IMMP2L: variants seen among roughly 807,000 people sequenced by gnomAD.
IMMP2L encodes the protein inner mitochondrial membrane peptidase subunit 2.
In IMMP2L, 18 loss-of-function variants were observed where a neutral mutation model predicts 19.3. That is an observed-to-expected ratio of 0.93 (90% CI 0.64 to 1.38). IMMP2L has a LOEUF of 1.38. Among genes scored for constraint, IMMP2L ranks in the 40% most tolerant of loss-of-function variants. The probability of loss-of-function intolerance (pLI) is 0.00; values close to 1 mark genes in which losing one functional copy is unlikely to be tolerated. For missense variants in IMMP2L, 233 were observed against 218.2 expected (o/e 1.07, Z -0.43); for synonymous variants, 76 against 73.0 (o/e 1.04, Z -0.21).
chr7:110,958,368 G>GT (rs1227350480), intron 4 of IMMP2L, among the ~76,000 whole-genome samples: 1 of 151,958 alleles, frequency 6.6e-6, no homozygotes, highest in Non-Finnish European at 1.5e-5. Context: ...GTGTACAAAG[G>GT]TATGTGTGCA....
At chr7:111,198,353 T>C (rs1374181612) in intron 3 of IMMP2L, among the ~76,000 whole-genome samples, 1 of 152,164 alleles carries the variant, frequency 6.6e-6, no homozygotes, top group African/African-American at 2.4e-5. Flanking sequence ...CTGGCTCAAC[T>C]ACTCAATAGC....
intron 4 of IMMP2L, among the ~76,000 whole-genome samples, chr7:110,942,173 C>A (rs1816802810): frequency 6.6e-6 from 1 of 151,842 alleles, no homozygotes; most frequent in South Asian, 2.1e-4. Context: ...ACATTTCATT[C>A]AAGAGTTAAG....
In IMMP2L at chr7:110,758,518, T is replaced by C. The variant is rs1562959063; in HGVS notation, c.409-94797A>G. Among the ~76,000 whole-genome samples the C allele has an allele frequency of 6.6e-6, 1 of 152,036 alleles. No homozygotes were observed. The highest frequency in any genetic ancestry group is 1.5e-5 in the Non-Finnish European group (1 of 67,996). On this transcript the variant is annotated intron_variant, in intron 5 of 5. Coordinates refer to ENST00000405709, the MANE Select transcript of IMMP2L (RefSeq NM_032549.4). The surrounding 1 kb of genome is among the most constrained non-coding windows in gnomAD (Gnocchi z 4.6). ...CCTTGTAGGTGAAAGGGGATGAGTC[T>C]AGTAAATAAGTAGAGTGCAGGCCTG...
chr7:110,778,877 T>C (rs527713375), intron 5 of IMMP2L, among the ~76,000 whole-genome samples: 1 of 151,974 alleles, frequency 6.6e-6, no homozygotes, highest in Non-Finnish European at 1.5e-5. Context: ...CTGCCTATTT[T>C]GTGGTGCAAA....
At chr7:111,333,436 G>C (rs1826072184) in intron 3 of IMMP2L, among the ~76,000 whole-genome samples, 1 of 151,916 alleles carries the variant, frequency 6.6e-6, no homozygotes, top group South Asian at 2.1e-4. Flanking sequence ...ATTATGTTAG[G>C]CATAATTATG....
At chr7:111,195,831 TCA>T (rs1229240190) in intron 3 of IMMP2L, among the ~76,000 whole-genome samples, 2,906 of 140,250 alleles carry the variant, frequency 0.021, 99 homozygotes, top group African/African-American at 0.082. Flanking sequence ...TTATTTTATT[TCA>T]TTTCATTTCA....
chr7:111,002,928 C>A (rs1268078723), intron 3 of IMMP2L, among the ~76,000 whole-genome samples: 3 of 152,078 alleles, frequency 2.0e-5, no homozygotes, highest in African/African-American at 4.8e-5. Context: ...TGGGTAAAAC[C>A]AAATTCTCAA....
chr7:110,886,652 G>A lies in IMMP2L; in HGVS notation c.349C>T (p.His117Tyr). 6.2e-7 allele frequency: 1 copy of A among 1,608,956 alleles called. No homozygotes were observed. Among genetic ancestry groups the A allele is most frequent in the Non-Finnish European group, 8.5e-7 (1 of 1,175,596 alleles). Reference sequence around the variant, plus strand: ...TGATGATCACCTTCAACCCAGATGTGACCACGGGGGACTTTGACATACCGG... The same window carrying A: ...TGATGATCACCTTCAACCCAGATGTAACCACGGGGGACTTTGACATACCGG... ...KNRYVKVPRG[H>Y]IWVEGDHHGH... is the part of the protein sequence containing the mutation. The change falls in exon 5 of 6, where the codon CAC becomes TAC. Residue 117 changes from histidine to tyrosine, a missense_variant. Physicochemically the swap from His to Tyr is moderately conservative, Grantham distance 83. Transcript: ENST00000405709.
intron 3 of IMMP2L, among the ~76,000 whole-genome samples, chr7:111,252,590 C>T (rs1212659472): frequency 2.6e-5 from 4 of 152,052 alleles, no homozygotes; most frequent in African/African-American, 9.7e-5. Flanking sequence ...GAATACCAGC[C>T]TCTGATGAAT....
chr7:111,491,702 T>C (rs1843120669), intron 2 of IMMP2L, among the ~76,000 whole-genome samples: 1 of 152,120 alleles, frequency 6.6e-6, no homozygotes, highest in Non-Finnish European at 1.5e-5. Context: ...ATCTCATTCA[T>C]ATTTCTCATT....
intron 3 of IMMP2L, among the ~76,000 whole-genome samples, chr7:111,239,210 C>T (rs1253972203): frequency 1.3e-5 from 2 of 151,886 alleles, no homozygotes; most frequent in Non-Finnish European, 2.9e-5. Context: ...CAAACTATCG[C>T]TATGAGTAAC....
rs536432616 is a variant in IMMP2L, at chr7:110,924,798, T to C, written c.306-38103A>G. Among the ~76,000 whole-genome samples, 2 of 152,280 alleles carry C rather than the reference T, an allele frequency of 1.3e-5. No individual in the cohort carries two copies. The highest frequency in any genetic ancestry group is 2.4e-5 in the African/African-American group (1 of 41,572). On this transcript the variant is annotated intron_variant, in intron 4 of 5. Transcript: ENST00000405709. The surrounding 1 kb of genome is among the most constrained non-coding windows in gnomAD (Gnocchi z 4.2). ...TTCTAGTTATTGCTCCAAAGTAGAATTGGTATACACAGCTGATTAAACAAT... is the reference window on the plus strand; with the variant it reads ...TTCTAGTTATTGCTCCAAAGTAGAACTGGTATACACAGCTGATTAAACAAT...
At chr7:111,103,764 G>T (rs191492009) in intron 3 of IMMP2L, among the ~76,000 whole-genome samples, 1 of 151,372 alleles carries the variant, frequency 6.6e-6, no homozygotes, top group Non-Finnish European at 1.5e-5. Flanking sequence ...AACTTTTAAC[G>T]CATTATTTTA....
intron 3 of IMMP2L, among the ~76,000 whole-genome samples, chr7:111,218,390 A>G (rs191169378): frequency 6.6e-6 from 1 of 152,176 alleles, no homozygotes; most frequent in Admixed American, 6.5e-5. Context: ...CTATGCTATT[A>G]TGTTGTATCG....
At chr7:110,807,406 T>C (rs1015569812) in intron 5 of IMMP2L, among the ~76,000 whole-genome samples, 4 of 152,024 alleles carry the variant, frequency 2.6e-5, no homozygotes, top group Admixed American at 6.6e-5. Context: ...AGAAATCTCA[T>C]TGTGCTTGTA....
intron 3 of IMMP2L, among the ~76,000 whole-genome samples, chr7:111,173,166 T>C (rs1270066042): frequency 2.6e-5 from 4 of 151,576 alleles, no homozygotes; most frequent in Non-Finnish European, 5.9e-5. Flanking sequence ...TTGCAGTCAT[T>C]GGAAGATTTT....
chr7:111,290,839 C>A (rs536104197), intron 3 of IMMP2L, among the ~76,000 whole-genome samples: 1 of 150,650 alleles, frequency 6.6e-6, no homozygotes, highest in South Asian at 2.1e-4. Flanking sequence ...CACACACACA[C>A]ACACACACAC....
At chr7:111,310,776 G>C (rs1729902281) in intron 3 of IMMP2L, among the ~76,000 whole-genome samples, 1 of 152,102 alleles carries the variant, frequency 6.6e-6, no homozygotes, top group South Asian at 2.1e-4. Flanking sequence ...ATATAGGAAT[G>C]GGGGAAGGAT....
rs1196224659 is a variant in IMMP2L at position 110,692,869 on chromosome 7, G to C, written c.409-29148C>G. 5.9e-5 allele frequency among the ~76,000 whole-genome samples: 9 copies of C among 152,212 alleles called. No homozygotes were observed. In the East Asian group the frequency reaches 1.5e-3, roughly 26 times the overall value. On this transcript the variant is annotated intron_variant, in intron 5 of 5. Coordinates refer to ENST00000405709, the MANE Select transcript of IMMP2L (RefSeq NM_032549.4). The stretch of plus-strand genomic sequence containing the variant: ...TAGAACACTAGTAATCACTCTATTA[G>C]CTGCAAAAAATCTTCAACTGTTCAG...
Sources: gnomAD v4.1 joint callset for allele counts (sites outside exome capture counted in the v4.1 genomes callset) on GRCh38, gnomAD v4.1.1 for gene constraint, Gnocchi (gnomAD v3.1) non-coding constraint, MANE v1.5 for transcripts, NCBI Gene and HGNC (gene_info 2026-07-23, HGNC 2026-07-21) for gene names.